The following POC1B variants were observed in gnomAD, a reference collection of about 807,000 sequenced individuals.
POC1B encodes POC1 centriolar protein homolog B.
A neutral mutation model predicts 60.6 loss-of-function variants in POC1B; 44 were observed. The ratio of observed to expected loss-of-function variants is 0.73; its 90% CI spans 0.57 to 0.93. The LOEUF (loss-of-function observed/expected upper bound fraction) is 0.93, where lower values mean the gene tolerates loss of function less well. Ranked by LOEUF, POC1B falls within the 40% of genes least tolerant of loss-of-function variation. The probability of loss-of-function intolerance (pLI) is 0.00; values close to 1 mark genes in which losing one functional copy is unlikely to be tolerated. For synonymous variants in POC1B, 180 were observed against 198.9 expected (o/e 0.90, Z 0.80); for missense variants, 555 against 572.3 (o/e 0.97, Z 0.31).
chr12:89,494,701 G>A (rs926113448), intron 3 of POC1B, among the ~76,000 whole-genome samples: 2 of 152,196 alleles, frequency 1.3e-5, no homozygotes, highest in Non-Finnish European at 2.9e-5. Context: ...AATTGGTCTA[G>A]CAGCTTCTGC....
chr12:89,524,363 G>A (rs748257334), intron 2 of POC1B: 74 of 1,613,894 alleles, frequency 4.6e-5, no homozygotes, highest in Non-Finnish European at 6.3e-5. Context: ...TTCTTATAAA[G>A]CGGTCGAGAC....
chr12:89,445,552 A>C (rs546689736), intron 10 of POC1B, among the ~76,000 whole-genome samples: 9 of 152,370 alleles, frequency 5.9e-5, no homozygotes, highest in South Asian at 2.1e-4. Context: ...CTGGCTAGCC[A>C]TATGTAGAAA....
At chr12:89,410,109 G>C in the POC1B span, among the ~76,000 whole-genome samples, 2 of 152,274 alleles carry the variant, frequency 1.3e-5, no homozygotes, top group East Asian at 1.9e-4. Flanking sequence ...TATCTACTAC[G>C]ATCAGGTCTG....
intron 9 of POC1B, among the ~76,000 whole-genome samples, chr12:89,465,133 C>A (rs1882637627): frequency 6.6e-6 from 1 of 152,130 alleles, no homozygotes; most frequent in South Asian, 2.1e-4. Flanking sequence ...AGTGGCTTTG[C>A]ATGGCCTGGG....
intron 2 of POC1B, chr12:89,523,152 G>A (rs1182415465): frequency 1.2e-6 from 2 of 1,613,584 alleles, no homozygotes; most frequent in Non-Finnish European, 1.7e-6. Flanking sequence ...CACCTGTGGG[G>A]TTGTTGTCAG....
intron 10 of POC1B, among the ~76,000 whole-genome samples, chr12:89,432,531 G>A (rs1263344184): frequency 6.6e-6 from 1 of 151,982 alleles, no homozygotes; most frequent in Non-Finnish European, 1.5e-5. Flanking sequence ...CCTACCTCAA[G>A]GAGTGAATAA....
rs1003379215 is a variant in POC1B, at chr12:89,497,411, G to A, written c.101-69C>T. 4.1e-6 allele frequency: 6 copies of A among 1,467,040 alleles called. No homozygotes were observed. In the African/African-American group the frequency reaches 5.6e-5, roughly 14 times the overall value. 90.9% of individuals were successfully genotyped at this position (1,467,040 alleles called of 1,614,324 possible). ...AAACATAGGTGTGTCTCATTACAAT[G>A]AGCAGCATATCTAATAACAAGGCAT... is the stretch of plus-strand genomic sequence containing the variant. On this transcript the variant is annotated intron_variant, in intron 2 of 11. Transcript: ENST00000313546.
intron 7 of POC1B, 65 bp from the exon 8 acceptor site, chr12:89,467,750 T>C (rs1427834708): frequency 7.9e-7 from 1 of 1,269,072 alleles, no homozygotes; most frequent in Non-Finnish European, 1.1e-6. Flanking sequence ...CCAAGAAGAC[T>C]ATGGATATCA....
chr12:89,510,019 T>TG (rs922393047), intron 2 of POC1B, among the ~76,000 whole-genome samples: 2 of 151,390 alleles, frequency 1.3e-5, no homozygotes, highest in African/African-American at 4.9e-5. Context: ...TTAATTTTTT[T>TG]TGTATTTTTA....
chr12:89,501,514 G>T, intron 2 of POC1B: 1 of 1,010,484 alleles, frequency 9.9e-7, no homozygotes, highest in Admixed American at 2.5e-5. Context: ...GATGGGAAAT[G>T]ATTGTGCTTC....
At chr12:89,481,603 G>A (rs1039625558) in intron 4 of POC1B, among the ~76,000 whole-genome samples, 8 of 152,236 alleles carry the variant, frequency 5.3e-5, no homozygotes, top group Admixed American at 2.6e-4. Context: ...GAAGATTTAC[G>A]AAAAGCAGAA....
chr12:89,414,012 C>T, the POC1B span, among the ~76,000 whole-genome samples: 4 of 152,194 alleles, frequency 2.6e-5, no homozygotes, highest in African/African-American at 9.6e-5. Flanking sequence ...CTGCCTGAGC[C>T]TCCCAGGTAG....
chr12:89,438,128 C>T (rs1881354460), intron 10 of POC1B, among the ~76,000 whole-genome samples: 1 of 151,872 alleles, frequency 6.6e-6, no homozygotes, highest in African/African-American at 2.4e-5. Context: ...TTTTCTACTC[C>T]CTTCATACTG....
intron 2 of POC1B, among the ~76,000 whole-genome samples, chr12:89,509,723 C>G (rs1275669832): frequency 6.6e-6 from 1 of 152,166 alleles, no homozygotes; most frequent in Non-Finnish European, 1.5e-5. Flanking sequence ...TCTCTTTTCC[C>G]ACAATAAGAA....
chr12:89,500,916 C>T (rs1474672774), intron 2 of POC1B: 25 of 997,994 alleles, frequency 2.5e-5, no homozygotes, highest in Non-Finnish European at 3.2e-5. Context: ...AACAGTAAAA[C>T]GAAAAAGTGA....
chr12:89,414,647 A>T, the POC1B span, among the ~76,000 whole-genome samples: 1 of 152,266 alleles, frequency 6.6e-6, no homozygotes, highest in Non-Finnish European at 1.5e-5. Context: ...AAAATGAAGC[A>T]TATCAATTAT....
chr12:89,522,216 G>C (rs1870944373), intron 2 of POC1B: 1 of 398,322 alleles, frequency 2.5e-6, no homozygotes. Flanking sequence ...TGTTAAAAAG[G>C]CCTCCAAACT....
At chr12:89,475,886 T>C (rs1179271561) in intron 4 of POC1B, among the ~76,000 whole-genome samples, 1 of 151,126 alleles carries the variant, frequency 6.6e-6, no homozygotes, top group East Asian at 2.0e-4. Context: ...TTTACTGGTA[T>C]TCACTCAAAA....
chr12:89,456,006 T>G (rs1014966504), intron 10 of POC1B, among the ~76,000 whole-genome samples: 29 of 148,316 alleles, frequency 2.0e-4, no homozygotes, highest in East Asian at 1.2e-3. Flanking sequence ...AAAACTCTTT[T>G]TTGTTGTTGT....
Sources: gnomAD v4.1 joint callset for allele counts (sites outside exome capture counted in the v4.1 genomes callset) on GRCh38, gnomAD v4.1.1 for gene constraint, MANE v1.5 for transcripts, NCBI Gene and HGNC (gene_info 2026-07-23, HGNC 2026-07-21) for gene names.